Variants in CNTNAP2 observed in about 807,000 individuals in gnomAD.
CNTNAP2 encodes the protein contactin-associated protein-like 2.
A neutral mutation model predicts 155.2 loss-of-function variants in CNTNAP2; 98 were observed. The ratio of observed to expected loss-of-function variants is 0.63; its 90% CI spans 0.54 to 0.75. The LOEUF is 0.75. Among genes scored for constraint, CNTNAP2 ranks in the 30% least tolerant of loss-of-function variants. The pLI, the probability that CNTNAP2 is intolerant of heterozygous loss-of-function variation, is 0.00. For missense variants in CNTNAP2, 1,727 were observed against 1,688.1 expected, an observed-to-expected ratio of 1.02 and a Z score of -0.40; for synonymous variants, 651 against 631.2, an observed-to-expected ratio of 1.03 and a Z score of -0.47.
Position 147,584,919 on chromosome 7 carries a change from C to T in CNTNAP2, c.1897+22662C>T, listed in dbSNP as rs116747244. On this transcript the variant is annotated intron_variant, in intron 12 of 23. Coordinates refer to ENST00000361727, the MANE Select transcript of CNTNAP2 (RefSeq NM_014141.6). Reference sequence around the variant, plus strand: ...GGAGAAGGATGCCCTTGATGGCCTGCGGAGATCTTGAGACAAGGCATGCGG... The same window carrying T: ...GGAGAAGGATGCCCTTGATGGCCTGTGGAGATCTTGAGACAAGGCATGCGG... Among the ~76,000 whole-genome samples the T allele has an allele frequency of 4.0e-3, 614 of 152,214 alleles. 4 individuals are homozygous for T. Among genetic ancestry groups the T allele is most frequent in the African/African-American group, 0.014 (587 of 41,532 alleles).
chr7:147,721,718 A>G (rs1796570528), intron 13 of CNTNAP2, among the ~76,000 whole-genome samples: 1 of 152,082 alleles, frequency 6.6e-6, no homozygotes, highest in South Asian at 2.1e-4. Flanking sequence ...CCTGGAGGAA[A>G]ACAGGAAATT....
chr7:147,751,687 T>C (rs1797138270), intron 13 of CNTNAP2, among the ~76,000 whole-genome samples: 1 of 152,258 alleles, frequency 6.6e-6, no homozygotes, highest in Non-Finnish European at 1.5e-5. Context: ...TAAGTTCGAA[T>C]GACGACATCA....
At chr7:147,236,388 T>C (rs1803803839) in intron 8 of CNTNAP2, among the ~76,000 whole-genome samples, 1 of 152,070 alleles carries the variant, frequency 6.6e-6, no homozygotes, top group African/African-American at 2.4e-5. Context: ...CTACTGAGTT[T>C]TCATTTCAAC....
intron 23 of CNTNAP2, among the ~76,000 whole-genome samples, chr7:148,410,801 G>C (rs1302531995): frequency 2.0e-5 from 3 of 152,038 alleles, no homozygotes; most frequent in African/African-American, 4.8e-5. Context: ...GAGGAGGAAG[G>C]AGAATGAAGA....
intron 1 of CNTNAP2, among the ~76,000 whole-genome samples, chr7:146,338,120 G>A (rs1801311051): frequency 6.6e-6 from 1 of 152,132 alleles, no homozygotes; most frequent in Admixed American, 6.6e-5. Context: ...TATGGGGGCT[G>A]GGGGAGACAG....
chr7:147,236,155 T>C (rs555562162), intron 8 of CNTNAP2, among the ~76,000 whole-genome samples: 1 of 152,342 alleles, frequency 6.6e-6, no homozygotes, highest in Admixed American at 6.5e-5. Flanking sequence ...ACTCAGGCAC[T>C]GACCTCCCCA....
chr7:148,160,725 A>G (rs1314319132), intron 17 of CNTNAP2, among the ~76,000 whole-genome samples: 3 of 152,160 alleles, frequency 2.0e-5, no homozygotes, highest in African/African-American at 4.8e-5. Flanking sequence ...ATCCACAGCT[A>G]TTGATGAAGG....
At chr7:146,258,045 C>A (rs983400267) in intron 1 of CNTNAP2, among the ~76,000 whole-genome samples, 1 of 151,996 alleles carries the variant, frequency 6.6e-6, no homozygotes. Flanking sequence ...TGTGCACCAC[C>A]ATTGCCTGAC....
At chr7:146,935,735 T>G (rs1796901304) in intron 3 of CNTNAP2, among the ~76,000 whole-genome samples, 2 of 152,214 alleles carry the variant, frequency 1.3e-5, no homozygotes, top group Admixed American at 1.3e-4. Flanking sequence ...CTGGCACTTA[T>G]GTCTTGTGGA....
intron 13 of CNTNAP2, among the ~76,000 whole-genome samples, chr7:147,693,398 T>C (rs566188762): frequency 1.3e-5 from 2 of 152,072 alleles, no homozygotes; most frequent in South Asian, 4.1e-4. Context: ...CAGATTTTAA[T>C]TGGGATTGCA....
chr7:148,278,472 A>G (rs557118983), intron 21 of CNTNAP2, among the ~76,000 whole-genome samples: 1 of 150,098 alleles, frequency 6.7e-6, no homozygotes, highest in African/African-American at 2.5e-5. Flanking sequence ...CGGGAGGCTG[A>G]GGCAGGAGAA....
intron 8 of CNTNAP2, among the ~76,000 whole-genome samples, chr7:147,149,419 A>T (rs1303514277): frequency 6.6e-6 from 1 of 152,180 alleles, no homozygotes; most frequent in Non-Finnish European, 1.5e-5. Context: ...TCGACCCAGG[A>T]AGTCCAGCTG....
At chr7:147,788,182 C>A (rs1563089394) in intron 13 of CNTNAP2, among the ~76,000 whole-genome samples, 1 of 152,150 alleles carries the variant, frequency 6.6e-6, no homozygotes, top group African/African-American at 2.4e-5. Flanking sequence ...TTAAGAGACT[C>A]ACAACTAAAT....
Position 147,607,968 on chromosome 7 carries a change from A to G in CNTNAP2, c.1898-31138A>G, listed in dbSNP as rs560193874. On this transcript the variant is annotated intron_variant, in intron 12 of 23. Coordinates refer to ENST00000361727, the MANE Select transcript of CNTNAP2 (RefSeq NM_014141.6). ...TTTAGATGACCCTAGCAGGTGCCTG[A>G]AAATGAACGTTTACATTTTTAGGTT... is the stretch of plus-strand genomic sequence containing the variant. 1.5e-3 allele frequency among the ~76,000 whole-genome samples: 221 copies of G among 152,322 alleles called. 1 individual carries two copies. The highest frequency in any genetic ancestry group is 5.2e-3 in the African/African-American group (217 of 41,576).
intron 10 of CNTNAP2, among the ~76,000 whole-genome samples, chr7:147,420,562 A>G (rs2116506982): frequency 6.6e-6 from 1 of 152,266 alleles, no homozygotes; most frequent in Admixed American, 6.5e-5. Flanking sequence ...CACATTTATG[A>G]TTTCATTCTG....
At chr7:147,326,966 C>T (rs149097209) in intron 9 of CNTNAP2, among the ~76,000 whole-genome samples, 18 of 152,222 alleles carry the variant, frequency 1.2e-4, no homozygotes, top group African/African-American at 4.3e-4. Flanking sequence ...TGGGTACATG[C>T]ATAAATACAA....
At chr7:147,795,944 G>C (rs1797886383) in intron 13 of CNTNAP2, among the ~76,000 whole-genome samples, 1 of 152,020 alleles carries the variant, frequency 6.6e-6, no homozygotes, top group Non-Finnish European at 1.5e-5. Flanking sequence ...TTTGCTTCTT[G>C]CAATAGGCAA....
intron 1 of CNTNAP2, among the ~76,000 whole-genome samples, chr7:146,465,329 A>ATT (rs1178625123): frequency 1.3e-5 from 2 of 152,162 alleles, no homozygotes; most frequent in Non-Finnish European, 2.9e-5. Context: ...AAGGACTCAG[A>ATT]TTGTGGAATG....
chr7:147,483,241 TAAATC>T (rs1461805043), intron 10 of CNTNAP2, among the ~76,000 whole-genome samples: 1 of 152,070 alleles, frequency 6.6e-6, no homozygotes, highest in Non-Finnish European at 1.5e-5. Context: ...AATACGATGA[TAAATC>T]TAAGTAATCT....
Sources: gnomAD v4.1 joint callset for allele counts (sites outside exome capture counted in the v4.1 genomes callset) on GRCh38, gnomAD v4.1.1 for gene constraint, MANE v1.5 for transcripts, NCBI Gene and HGNC (gene_info 2026-07-23, HGNC 2026-07-21) for gene names.